Variants in CUX2 observed in about 807,000 individuals in gnomAD.
CUX2 encodes the protein homeobox protein cut-like 2.
CUX2 carries 40 observed loss-of-function variants against 144.8 expected under a neutral mutation model. That is an observed-to-expected ratio of 0.28 (90% CI 0.21 to 0.36). The LOEUF (loss-of-function observed/expected upper bound fraction) is 0.36. Among genes scored for constraint, CUX2 ranks in the 10% least tolerant of loss-of-function variants. CUX2 has a pLI of 1.00. For synonymous variants in CUX2, 827 were observed against 875.6 expected (o/e 0.94, Z 0.98); for missense variants, 1,615 against 1,994.0 (o/e 0.81, Z 3.62).
chr12:111,298,867 C>T (rs999762602), intron 9 of CUX2, among the ~76,000 whole-genome samples: 1 of 152,136 alleles, frequency 6.6e-6, no homozygotes, highest in African/African-American at 2.4e-5. Context: ...AGGAAGGGGC[C>T]GCTGACCCAG....
intron 3 of CUX2, among the ~76,000 whole-genome samples, chr12:111,219,555 G>A (rs1592851239): frequency 6.6e-6 from 1 of 152,198 alleles, no homozygotes; most frequent in Non-Finnish European, 1.5e-5. Flanking sequence ...GAGTTGGTGT[G>A]AACAGAGCAT....
At position 111,246,182 on chromosome 12, in the gene CUX2, C is replaced by T. The variant is rs1479725657; in HGVS notation, c.223-17579C>T. Among the ~76,000 whole-genome samples the T allele has an allele frequency of 6.6e-6, 1 of 152,188 alleles. No homozygotes were observed. The highest frequency in any genetic ancestry group is 2.4e-5 in the African/African-American group (1 of 41,448). ...CTGGAAAGTAGAAATGATAACCGCACCTGCCACTGGTGTGACACAGAGATT... is the reference window on the plus strand; with the variant it reads ...CTGGAAAGTAGAAATGATAACCGCATCTGCCACTGGTGTGACACAGAGATT... On this transcript the variant is annotated intron_variant, in intron 3 of 21. Coordinates refer to ENST00000261726, the MANE Select transcript of CUX2 (RefSeq NM_015267.4). This position sits in a 1 kb window ranked among gnomAD's most constrained non-coding sequence, Gnocchi z 4.0.
intron 2 of CUX2, 62 bp downstream of exon 2, chr12:111,214,372 A>T: frequency 9.7e-7 from 1 of 1,026,812 alleles, no homozygotes; most frequent in East Asian, 2.5e-5. Context: ...CTCCATTCAA[A>T]CTATATTTTG....
At chr12:111,305,975 G>GTCCCAGGAGAT (rs1886560367) in intron 10 of CUX2, among the ~76,000 whole-genome samples, 2 of 152,160 alleles carry the variant, frequency 1.3e-5, no homozygotes, top group Admixed American at 1.3e-4. Context: ...CTGTGTCTGT[G>GTCCCAGGAGAT]TCCCAGGAGA....
At chr12:111,309,799 G>A (rs1886786923) in intron 14 of CUX2, among the ~76,000 whole-genome samples, 1 of 146,256 alleles carries the variant, frequency 6.8e-6, no homozygotes, top group Non-Finnish European at 1.5e-5. Context: ...CTCTCTCTCT[G>A]TCCCTCTCAT....
At position 111,263,495 on chromosome 12, in the gene CUX2, G is replaced by T. The variant is rs1884230847; in HGVS notation, c.223-266G>T. Among the ~76,000 whole-genome samples the T allele has an allele frequency of 6.6e-6, 1 of 152,034 alleles. No individual in the cohort carries two copies. Among genetic ancestry groups the T allele is most frequent in the Non-Finnish European group, 1.5e-5 (1 of 68,016 alleles). On this transcript the variant is annotated intron_variant, in intron 3 of 21. Transcript: ENST00000261726. This position sits in a 1 kb window ranked among gnomAD's most constrained non-coding sequence, Gnocchi z 4.0. ...GTGGCAGGCACCTGTAGTGGTAGCA[G>T]GCACCTGTAATCCCAGCTACTCAGG...
chr12:111,180,491 G>A (rs138682707), intron 1 of CUX2, among the ~76,000 whole-genome samples: 1 of 152,164 alleles, frequency 6.6e-6, no homozygotes, highest in African/African-American at 2.4e-5. Context: ...GGAGAATTTG[G>A]GCCTTTACGA....
In CUX2 at chr12:111,278,337, C is replaced by T. The variant is rs570785012; in HGVS notation, c.302-13081C>T. Among the ~76,000 whole-genome samples the T allele has an allele frequency of 6.4e-4, 97 of 152,328 alleles. 1 individual carries two copies. Among genetic ancestry groups the T allele is most frequent in the African/African-American group, 2.2e-3 (93 of 41,578 alleles). On this transcript the variant is annotated intron_variant, in intron 4 of 21. Transcript: ENST00000261726. The stretch of plus-strand genomic sequence containing the variant: ...GAGGCTGAGACAGAAGGATTGATCG[C>T]TTGAGCCCAGGAAGTCGAGGCTGCA...
intron 1 of CUX2, among the ~76,000 whole-genome samples, chr12:111,115,244 T>G (rs964691918): frequency 6.6e-6 from 1 of 151,912 alleles, no homozygotes; most frequent in African/African-American, 2.4e-5. Context: ...GACATTGCGT[T>G]GAATCTGTAG....
intron 18 of CUX2, among the ~76,000 whole-genome samples, chr12:111,328,642 C>T (rs112158477): frequency 0.2 from 29,730 of 150,480 alleles, 3,795 homozygotes; most frequent in African/African-American, 0.37. Context: ...CTCTGTCGCC[C>T]AGGCTGGAGT....
At chr12:111,261,573 A>G (rs1335229495) in intron 3 of CUX2, among the ~76,000 whole-genome samples, 1 of 152,132 alleles carries the variant, frequency 6.6e-6, no homozygotes, top group African/African-American at 2.4e-5. Context: ...ATGTCCCCAG[A>G]AACTCACTCT....
chr12:111,243,225 A>G (rs1272294607), intron 3 of CUX2, among the ~76,000 whole-genome samples: 7 of 152,222 alleles, frequency 4.6e-5, no homozygotes, highest in East Asian at 1.9e-4. Flanking sequence ...CTATTCCTGC[A>G]TAGCCACCTT....
chr12:111,103,475 G>A (rs554980548), intron 1 of CUX2, among the ~76,000 whole-genome samples: 5 of 152,288 alleles, frequency 3.3e-5, no homozygotes, highest in South Asian at 2.1e-4. Context: ...ACAGACAGGC[G>A]TACATCAACT....
At chr12:111,309,942 TG>T in intron 14 of CUX2, 98 bp from the exon 15 acceptor site, 1 of 1,087,306 alleles carries the variant, frequency 9.2e-7, no homozygotes, top group Non-Finnish European at 1.2e-6. Flanking sequence ...TGTCTCTCTC[TG>T]TCTCTCTCCC....
chr12:111,249,626 T>G (rs567323649), intron 3 of CUX2, among the ~76,000 whole-genome samples: 55 of 151,782 alleles, frequency 3.6e-4, no homozygotes, highest in Non-Finnish European at 3.4e-4. Context: ...CCAGCTAATT[T>G]TTGTATTTTT....
intron 3 of CUX2, among the ~76,000 whole-genome samples, chr12:111,236,442 G>T (rs1479036750): frequency 6.6e-6 from 1 of 152,218 alleles, no homozygotes. Context: ...ATGAGTGACT[G>T]AGGCGTAAAG....
intron 4 of CUX2, among the ~76,000 whole-genome samples, chr12:111,279,024 A>G (rs1296157809): frequency 1.3e-5 from 2 of 152,176 alleles, no homozygotes; most frequent in African/African-American, 4.8e-5. Flanking sequence ...TACAATGTAA[A>G]ATCTGGGAAC....
chr12:111,321,354 GGCTACT>G (rs1887519834), intron 17 of CUX2, among the ~76,000 whole-genome samples: 1 of 141,482 alleles, frequency 7.1e-6, no homozygotes, highest in Non-Finnish European at 1.6e-5. Context: ...GTATAGTCAT[GGCTACT>G]TAGGAGACTG....
intron 1 of CUX2, among the ~76,000 whole-genome samples, chr12:111,176,342 C>T (rs1009551983): frequency 3.9e-5 from 6 of 152,050 alleles, no homozygotes; most frequent in Non-Finnish European, 8.8e-5. Context: ...GCCACCATGC[C>T]CAGTGTGAGG....
Sources: allele counts gnomAD v4.1 joint callset (sites outside exome capture counted in the v4.1 genomes callset), GRCh38; gene constraint gnomAD v4.1.1; non-coding constraint Gnocchi (gnomAD v3.1); transcripts MANE v1.5; gene names NCBI Gene and HGNC (gene_info 2026-07-23, HGNC 2026-07-21).